SPATS2: variants seen among roughly 807,000 people sequenced by gnomAD.
The protein encoded by SPATS2 is spermatogenesis associated serine rich 2.
In SPATS2, 38 loss-of-function variants were observed where a neutral mutation model predicts 63.7. The observed-to-expected ratio is 0.60, with a 90% CI of 0.46 to 0.78. The LOEUF (loss-of-function observed/expected upper bound fraction) is 0.78. Ranked by LOEUF, SPATS2 falls within the 30% of genes least tolerant of loss-of-function variation. SPATS2 has a pLI of 0.00. For synonymous variants in SPATS2, 207 were observed against 232.9 expected (o/e 0.89, Z 1.01); for missense variants, 588 against 666.2 (o/e 0.88, Z 1.29).
intron 3 of SPATS2, among the ~76,000 whole-genome samples, chr12:49,472,716 C>T (rs1946057306): frequency 6.7e-6 from 1 of 150,246 alleles, no homozygotes; most frequent in Non-Finnish European, 1.5e-5. Flanking sequence ...AACTGTAATA[C>T]TGATCTCATA....
rs1241768116 is a variant in SPATS2, at chr12:49,367,518, A to G, written c.-376A>G. The stretch of plus-strand genomic sequence containing the variant: ...GTGGAGGATCTCCTTTCCTCTTCTC[A>G]GACCCGGGAGCGTCCGGGACGCGGA... On this transcript the variant is annotated 5_prime_UTR_variant, in exon 1 of 14. Transcript: ENST00000552918. The G allele has an allele frequency of 4.0e-5, 16 of 398,092 alleles. No homozygotes were observed. In the South Asian group the frequency reaches 1.9e-3, roughly 47 times the overall value. The allele number at this position is 398,092 out of a possible 1,614,324, so 24.7% of individuals were successfully genotyped here. A position where few individuals can be genotyped will look rare whatever the true frequency, so the allele number is the denominator to read the frequency against.
In SPATS2 at chr12:49,494,900, G is replaced by C. The variant is rs941227749; in HGVS notation, c.424G>C (p.Glu142Gln). ...TGTCAATGGTGCCATCAATGACACT[G>C]AGTCTGTGGACTCACTCAGTGAAGG... ...YHVNGAINDT[E>Q]SVDSLSEGLE... The change falls in exon 7 of 14, where the codon GAG becomes CAG. Residue 142 changes from glutamate to glutamine, a missense_variant. Glu to Gln is a conservative substitution (Grantham distance 29). Transcript: ENST00000552918. The C allele has an allele frequency of 5.0e-6, 8 of 1,613,918 alleles. No homozygotes were observed. The highest frequency in any genetic ancestry group is 6.8e-6 in the Non-Finnish European group (8 of 1,180,038).
rs932101512 is a variant in SPATS2, at chr12:49,431,439, G to A, written c.-243-29331G>A. ...AATCTTTTGCTTTTTTAGTAGAGAC[G>A]GGGTTTCACCGTGTTGGTCAGGCTG... On this transcript the variant is annotated intron_variant, in intron 2 of 13. Transcript: ENST00000552918. Among the ~76,000 whole-genome samples the A allele has an allele frequency of 7.2e-5, 11 of 152,126 alleles. 1 individual carries two copies. The highest frequency in any genetic ancestry group is 3.3e-4 in the Admixed American group (5 of 15,270).
intron 2 of SPATS2, among the ~76,000 whole-genome samples, chr12:49,411,621 A>G (rs1374095292): frequency 2.6e-5 from 4 of 152,200 alleles, no homozygotes; most frequent in African/African-American, 7.2e-5. Context: ...AATTAGGATT[A>G]TATTTGATTT....
chr12:49,373,042 A>G (rs1450350364), intron 2 of SPATS2, among the ~76,000 whole-genome samples: 1 of 147,438 alleles, frequency 6.8e-6, no homozygotes, highest in Non-Finnish European at 1.5e-5. Context: ...GCGTGATCTC[A>G]GCTCACCACA....
intron 9 of SPATS2, among the ~76,000 whole-genome samples, chr12:49,502,940 T>C (rs1451305937): frequency 6.6e-6 from 1 of 152,202 alleles, no homozygotes; most frequent in African/African-American, 2.4e-5. Context: ...TAAATTAAGG[T>C]CTAACTTCTG....
chr12:49,372,025 TGAGTAGGCTTGGTTACTTTTA>T (rs1944007095), intron 2 of SPATS2, among the ~76,000 whole-genome samples: 1 of 151,914 alleles, frequency 6.6e-6, no homozygotes, highest in South Asian at 2.1e-4. Context: ...TTTAGTTTTT[TGAGTAGGCTTGGTTACTTTTA>T]TTTTTTATTT....
intron 2 of SPATS2, among the ~76,000 whole-genome samples, chr12:49,449,789 A>G (rs1385249859): frequency 1.3e-5 from 2 of 152,200 alleles, no homozygotes; most frequent in Non-Finnish European, 2.9e-5. Flanking sequence ...AAACTGCCCC[A>G]TGATTCAGTT....
chr12:49,497,603 C>T (rs1200073208), intron 8 of SPATS2, among the ~76,000 whole-genome samples: 1 of 152,020 alleles, frequency 6.6e-6, no homozygotes, highest in Non-Finnish European at 1.5e-5. Flanking sequence ...GCCGTGTTAG[C>T]CAGGATGGTC....
intron 2 of SPATS2, among the ~76,000 whole-genome samples, chr12:49,436,805 C>T (rs1945308282): frequency 7.2e-6 from 1 of 139,814 alleles, no homozygotes; most frequent in Non-Finnish European, 1.6e-5. Context: ...CCAGTAGGGG[C>T]GGCCGGGCAG....
chr12:49,461,271 A>G, intron 3 of SPATS2: 1 of 509,300 alleles, frequency 2.0e-6, no homozygotes. Flanking sequence ...TTGAAGATGC[A>G]TTTTTGAATA....
At chr12:49,462,569 C>T (rs56158328) in intron 3 of SPATS2, 9,890 of 634,420 alleles carry the variant, frequency 0.016, 119 homozygotes, top group Non-Finnish European at 0.018. Flanking sequence ...TGTATCTGCA[C>T]TCGTGGCTCC....
At chr12:49,424,845 A>G (rs1397020176) in intron 2 of SPATS2, among the ~76,000 whole-genome samples, 1 of 151,986 alleles carries the variant, frequency 6.6e-6, no homozygotes, top group Non-Finnish European at 1.5e-5. Context: ...ACGCCCAGCT[A>G]ATTTTTGTAC....
upstream of SPATS2, chr12:49,366,990 C>T (rs1943907293): frequency 6.6e-6 from 1 of 152,206 alleles, no homozygotes; most frequent in Non-Finnish European, 1.5e-5. Context: ...ACTTTGTCCC[C>T]AACCCTCTCC....
chr12:49,495,146 A>G (rs1946444468), intron 7 of SPATS2, 144 bp downstream of exon 7: 2 of 860,526 alleles, frequency 2.3e-6, no homozygotes, highest in Non-Finnish European at 3.2e-6. Flanking sequence ...AGTTTTTGTT[A>G]CTTTTTGTCT....
chr12:49,448,938 A>G (rs1475955076), intron 2 of SPATS2, among the ~76,000 whole-genome samples: 1 of 152,196 alleles, frequency 6.6e-6, no homozygotes, highest in African/African-American at 2.4e-5. Flanking sequence ...TTTATGTGCC[A>G]TATGGTCTGT....
chr12:49,377,588 T>C (rs533071988), intron 2 of SPATS2, among the ~76,000 whole-genome samples: 6 of 152,330 alleles, frequency 3.9e-5, no homozygotes, highest in African/African-American at 1.4e-4. Context: ...CCCAAGTATA[T>C]TATTAACCTT....
rs11830622 is a variant in SPATS2, at chr12:49,417,390, G to A, written c.-243-43380G>A. 9.9e-3 allele frequency among the ~76,000 whole-genome samples: 1,514 copies of A among 152,306 alleles called. 20 individuals are homozygous for A. Among genetic ancestry groups the A allele is most frequent in the African/African-American group, 0.034 (1,429 of 41,550 alleles). On this transcript the variant is annotated intron_variant, in intron 2 of 13. Coordinates refer to ENST00000552918, the MANE Select transcript of SPATS2 (RefSeq NM_023071.4). ...ATACTCCTAAGGGAAATTTTGAAAAGCGGTTAGGTGATGGAGATAATTTAG... is the reference window on the plus strand; with the variant it reads ...ATACTCCTAAGGGAAATTTTGAAAAACGGTTAGGTGATGGAGATAATTTAG...
rs779470694 is a variant in SPATS2 at position 49,500,140 on chromosome 12, A to G, written c.774A>G (p.Val258=). The G allele has an allele frequency of 1.6e-5, 26 of 1,611,372 alleles. No homozygotes were observed. Among genetic ancestry groups the G allele is most frequent in the Non-Finnish European group, 2.2e-5 (26 of 1,179,058 alleles). ...CTVSLARYRV[V]VKEEMDASIK... is the part of the protein sequence containing the mutation. ...TGTCTCTTGCACGGTATCGAGTTGT[A>G]GTTAAAGAAGAGATGGATGCCTCCA... The change falls in exon 9 of 14, where the codon GTA becomes GTG. Residue 258 remains valine, a synonymous_variant. Transcript: ENST00000552918.
Sources: gnomAD v4.1 joint callset for allele counts (sites outside exome capture counted in the v4.1 genomes callset) on GRCh38, gnomAD v4.1.1 for gene constraint, MANE v1.5 for transcripts, NCBI Gene and HGNC (gene_info 2026-07-23, HGNC 2026-07-21) for gene names.